The following LIFR variants were observed in gnomAD, a reference collection of about 807,000 sequenced individuals.
LIFR encodes LIF receptor subunit alpha.
A neutral mutation model predicts 122.2 loss-of-function variants in LIFR; 84 were observed. That is an observed-to-expected ratio of 0.69 (90% CI 0.58 to 0.82). LIFR has a LOEUF of 0.82. LIFR is among the 40% of genes least tolerant of loss of function. LIFR has a pLI of 0.00. For synonymous variants in LIFR, 422 were observed against 434.7 expected, an observed-to-expected ratio of 0.97 and a Z score of 0.36; for missense variants, 1,294 against 1,311.6, an observed-to-expected ratio of 0.99 and a Z score of 0.21.
chr5:38,544,241 C>A (rs1747749952), intron 1 of LIFR, among the ~76,000 whole-genome samples: 1 of 152,154 alleles, frequency 6.6e-6, no homozygotes, highest in African/African-American at 2.4e-5. Context: ...CAAAGCAGAA[C>A]CTTTCAAAAA....
chr5:38,515,759 G>A (rs1746043768), intron 5 of LIFR, among the ~76,000 whole-genome samples: 2 of 152,010 alleles, frequency 1.3e-5, no homozygotes, highest in Non-Finnish European at 2.9e-5. Flanking sequence ...TCGTTTCCAG[G>A]GAAAGTCAAG....
At chr5:38,490,164 TATAA>T (rs1267061503) in intron 15 of LIFR, 22 bp downstream of exon 15, 1 of 1,021,782 alleles carries the variant, frequency 9.8e-7, no homozygotes. Context: ...CTTGAGCTCT[TATAA>T]ATAAGTACCC....
At chr5:38,567,990 G>C (rs77008965) in intron 1 of LIFR, among the ~76,000 whole-genome samples, 1,869 of 152,292 alleles carry the variant, frequency 0.012, 37 homozygotes, top group African/African-American at 0.042. Flanking sequence ...TGTAAAGGCT[G>C]TTCAGATTCA....
At chr5:38,601,777 G>A (rs3097238) in intron 2 of LIFR, among the ~76,000 whole-genome samples, 34,695 of 151,886 alleles carry the variant, frequency 0.23, 4,489 homozygotes, top group African/African-American at 0.34. Flanking sequence ...TTTTAGGCTG[G>A]CAACTCCCAA....
At position 38,589,718 on chromosome 5, in the gene LIFR, A is replaced by ATGTGTG. The variant is rs35505046; in HGVS notation, c.-20+5537_-20+5542dup. On this transcript the variant is annotated intron_variant, in intron 1 of 19. Coordinates refer to the LIFR transcript ENST00000263409. The stretch of plus-strand genomic sequence containing the variant: ...AAAGGGTCAGAAGGCAGAGAAGAAA[A>ATGTGTG]TGTGTGTGTGTGTGTGTGTGTGTGT... Among the ~76,000 whole-genome samples, 1,802 of 146,268 alleles carry ATGTGTG rather than the reference A, an allele frequency of 0.012. 82 individuals carry two copies. The East Asian group carries it at 0.18, about 14-fold the overall frequency.
At chr5:38,555,484 G>C (rs1230202671) in intron 1 of LIFR, among the ~76,000 whole-genome samples, 1 of 152,142 alleles carries the variant, frequency 6.6e-6, no homozygotes. Context: ...AAACTAATCT[G>C]AAACTGAACA....
chr5:38,513,190 A>C (rs1745892410), intron 5 of LIFR, among the ~76,000 whole-genome samples: 1 of 152,242 alleles, frequency 6.6e-6, no homozygotes, highest in Non-Finnish European at 1.5e-5. Flanking sequence ...GAAATAAAGC[A>C]ACATCACTAA....
chr5:38,553,170 T>C (rs753459724), intron 1 of LIFR, among the ~76,000 whole-genome samples: 1 of 152,136 alleles, frequency 6.6e-6, no homozygotes. Flanking sequence ...TCCAGGGCCT[T>C]TGCACTTGCC....
At chr5:38,537,518 G>A (rs985602507) in intron 1 of LIFR, among the ~76,000 whole-genome samples, 4 of 152,080 alleles carry the variant, frequency 2.6e-5, no homozygotes, top group Admixed American at 2.0e-4. Context: ...CCCTTTTAAC[G>A]ATGAAGTGCT....
At chr5:38,510,771 A>AACTTTTCTGCATTTTAAGACTT in intron 6 of LIFR, 53 bp from the exon 7 acceptor site, 1 of 1,475,822 alleles carries the variant, frequency 6.8e-7, no homozygotes, top group East Asian at 2.4e-5. Flanking sequence ...ATTTTACATA[A>AACTTTTCTGCATTTTAAGACTT]ACTTTTCTGC....
chr5:38,538,726 C>T (rs183198362), intron 1 of LIFR, among the ~76,000 whole-genome samples: 5 of 152,304 alleles, frequency 3.3e-5, no homozygotes, highest in Non-Finnish European at 7.3e-5. Context: ...CTCTGGCATA[C>T]GTAATTTACA....
At chr5:38,571,431 TG>T (rs150125228) in intron 1 of LIFR, among the ~76,000 whole-genome samples, 2,289 of 150,190 alleles carry the variant, frequency 0.015, 41 homozygotes, top group East Asian at 0.095. Context: ...GGTGGGTGTC[TG>T]TAGTCCCAGC....
At chr5:38,520,660 T>C (rs962126019) in intron 5 of LIFR, among the ~76,000 whole-genome samples, 77 of 152,178 alleles carry the variant, frequency 5.1e-4, no homozygotes, top group Non-Finnish European at 1.5e-4. Flanking sequence ...GAATATCCAA[T>C]TTTCCCAGTA....
chr5:38,503,285 T>C (rs192703366), intron 10 of LIFR, among the ~76,000 whole-genome samples: 2 of 152,314 alleles, frequency 1.3e-5, no homozygotes, highest in African/African-American at 4.8e-5. Flanking sequence ...TCTAGTATGA[T>C]GCTAAACATG....
rs139218429 is a variant in LIFR, at chr5:38,586,489, T to C, written c.-20+8772A>G. On this transcript the variant is annotated intron_variant, in intron 1 of 19. Transcript: ENST00000263409. ...TAGTTAGAGTGTTCACCTTTCATTATTCATGTAGAAGCCTCAGATGTAAGA... is the reference window on the plus strand; with the variant it reads ...TAGTTAGAGTGTTCACCTTTCATTACTCATGTAGAAGCCTCAGATGTAAGA... 2.5e-3 allele frequency among the ~76,000 whole-genome samples: 375 copies of C among 152,348 alleles called. 3 individuals carry two copies. The highest frequency in any genetic ancestry group is 8.5e-3 in the African/African-American group (354 of 41,574).
intron 5 of LIFR, among the ~76,000 whole-genome samples, chr5:38,512,966 T>G (rs1236996138): frequency 6.6e-6 from 1 of 152,150 alleles, no homozygotes; most frequent in Non-Finnish European, 1.5e-5. Flanking sequence ...AAATAGAAGA[T>G]TAAATATGTA....
chr5:38,597,115 T>A (rs1750118673), upstream of LIFR, among the ~76,000 whole-genome samples: 1 of 152,220 alleles, frequency 6.6e-6, no homozygotes, highest in Admixed American at 6.5e-5. Context: ...GATGAGGCCC[T>A]TCTGCAGACT....
At chr5:38,563,065 G>C (rs1748892919) in intron 1 of LIFR, among the ~76,000 whole-genome samples, 1 of 152,214 alleles carries the variant, frequency 6.6e-6, no homozygotes, top group South Asian at 2.1e-4. Flanking sequence ...CATTTCTGTG[G>C]ATGGTGTTTC....
chr5:38,512,189 T>G (rs930878046), intron 5 of LIFR, among the ~76,000 whole-genome samples: 1 of 152,190 alleles, frequency 6.6e-6, no homozygotes, highest in Admixed American at 6.5e-5. Context: ...TATAAGATGT[T>G]GCTATTCATT....
Sources: allele counts gnomAD v4.1 joint callset (sites outside exome capture counted in the v4.1 genomes callset), GRCh38; gene constraint gnomAD v4.1.1; transcripts MANE v1.5; gene names NCBI Gene and HGNC (gene_info 2026-07-23, HGNC 2026-07-21).